The following AKAP13 variants were observed in gnomAD, a reference collection of about 807,000 sequenced individuals.
The protein encoded by AKAP13 is A-kinase anchor protein 13.
AKAP13 carries 80 observed loss-of-function variants against 264.5 expected under a neutral mutation model. The ratio of observed to expected loss-of-function variants is 0.30; its 90% CI spans 0.25 to 0.36. The LOEUF is 0.36. AKAP13 is among the 10% of genes least tolerant of loss of function. AKAP13 has a pLI of 1.00. For missense variants in AKAP13, 3,712 were observed against 3,435.2 expected (o/e 1.08, Z -2.01); for synonymous variants, 1,380 against 1,250.2 (o/e 1.10, Z -2.19).
intron 1 of AKAP13, among the ~76,000 whole-genome samples, chr15:85,441,799 G>A (rs558734692): frequency 1.3e-5 from 2 of 151,956 alleles, no homozygotes; most frequent in Non-Finnish European, 2.9e-5. Context: ...TATTACTGCA[G>A]TAAATAGTCT....
At chr15:85,509,883 G>A (rs1167012369) in intron 2 of AKAP13, among the ~76,000 whole-genome samples, 1 of 152,186 alleles carries the variant, frequency 6.6e-6, no homozygotes, top group Non-Finnish European at 1.5e-5. Flanking sequence ...TGTAGCCTCT[G>A]TCACCTCCTC....
chr15:85,642,715 T>C (rs2082366457), intron 9 of AKAP13, among the ~76,000 whole-genome samples: 1 of 152,232 alleles, frequency 6.6e-6, no homozygotes, highest in African/African-American at 2.4e-5. Flanking sequence ...CTGGCTTGAA[T>C]TTATTTTCTG....
rs557658798 is a variant in AKAP13 at position 85,469,058 on chromosome 15, G to A, written c.-11-16652G>A. Among the ~76,000 whole-genome samples the A allele has an allele frequency of 9.4e-4, 129 of 137,726 alleles. 29 individuals carry two copies. Among genetic ancestry groups the A allele is most frequent in the African/African-American group, 3.5e-3 (118 of 33,680 alleles). 90.4% of individuals were successfully genotyped at this position (137,726 alleles called of 152,430 possible). ...GCCTCCCCAGTAGCTTGGACTACAG[G>A]CGTGCACCACCACGCCCAGCTAATT... On this transcript the variant is annotated intron_variant, in intron 1 of 36. Coordinates refer to ENST00000394518, the MANE Select transcript of AKAP13 (RefSeq NM_007200.5).
At chr15:85,654,640 GA>G (rs1235694811) in intron 10 of AKAP13, among the ~76,000 whole-genome samples, 1 of 152,014 alleles carries the variant, frequency 6.6e-6, no homozygotes, top group Non-Finnish European at 1.5e-5. Flanking sequence ...GCAACATGGT[GA>G]AACCCTGTGT....
chr15:85,741,348 G>T lies in AKAP13; in HGVS notation c.7911G>T (p.Arg2637=), dbSNP rs777977042. ...GGCAGCAGGACCTGGAAAAGGAGCGGGAGGAGCTCCAGCAGAAGAAGGGCA... is the reference window on the plus strand; with the variant it reads ...GGCAGCAGGACCTGGAAAAGGAGCGTGAGGAGCTCCAGCAGAAGAAGGGCA... ...QQGQQDLEKE[R]EELQQKKGTY... Residue 2637 remains arginine, a synonymous_variant, in exon 35 of 37, where the codon CGG becomes CGT. Transcript: ENST00000394518. 6.2e-7 allele frequency: 1 copy of T among 1,613,914 alleles called. No homozygotes were observed. The highest frequency in any genetic ancestry group is 1.7e-5 in the Admixed American group (1 of 60,010).
chr15:85,739,702 C>T (rs898906038), intron 33 of AKAP13, among the ~76,000 whole-genome samples: 2 of 152,012 alleles, frequency 1.3e-5, no homozygotes, highest in African/African-American at 2.4e-5. Flanking sequence ...AATAGGATCT[C>T]GCTGTCTTGC....
intron 8 of AKAP13, chr15:85,624,705 T>C (rs2081335602): frequency 6.6e-6 from 1 of 152,260 alleles, no homozygotes; most frequent in Admixed American, 6.5e-5. Context: ...CTGGGAAGGC[T>C]GGGTGTAACC....
At chr15:85,570,774 A>G (rs568539765) in intron 5 of AKAP13, among the ~76,000 whole-genome samples, 4 of 152,274 alleles carry the variant, frequency 2.6e-5, no homozygotes, top group Admixed American at 1.3e-4. Context: ...ACAGGGTTGA[A>G]TAAGGATTCC....
chr15:85,710,713 G>A (rs2086590935), intron 19 of AKAP13, 68 bp downstream of exon 19: 2 of 1,519,286 alleles, frequency 1.3e-6, no homozygotes. Context: ...AAATGCTGTT[G>A]TAATATTCAG....
intron 30 of AKAP13, among the ~76,000 whole-genome samples, chr15:85,732,689 A>G (rs2088140682): frequency 6.7e-6 from 1 of 150,240 alleles, no homozygotes; most frequent in South Asian, 2.1e-4. Context: ...CGAATATTAT[A>G]TATTTACTTT....
At chr15:85,622,987 T>A (rs1008078708) in intron 8 of AKAP13, among the ~76,000 whole-genome samples, 1 of 152,254 alleles carries the variant, frequency 6.6e-6, no homozygotes, top group African/African-American at 2.4e-5. Context: ...CCATGTCATA[T>A]AAGTTCATTT....
intron 1 of AKAP13, among the ~76,000 whole-genome samples, chr15:85,473,538 A>G (rs890256229): frequency 1.3e-5 from 2 of 152,204 alleles, no homozygotes; most frequent in African/African-American, 2.4e-5. Flanking sequence ...CCCCACTGCA[A>G]CACGCAGTTG....
In AKAP13 at chr15:85,579,469, C is replaced by T. The variant is rs1443705962; in HGVS notation, c.1401C>T (p.Gly467=). The T allele has an allele frequency of 6.2e-7, 1 of 1,614,132 alleles. No individual in the cohort carries two copies. Among genetic ancestry groups the T allele is most frequent in the South Asian group, 1.1e-5 (1 of 91,080 alleles). The stretch of plus-strand genomic sequence containing the variant: ...ATTCCTCTGGAGGTGAACTGGGAGG[C>T]ATTTCAACAACAAATGTCAGTACCC... ...AQYSSGGELG[G]ISTTNVSTPD... is the part of the protein sequence containing the mutation. The change falls in exon 7 of 37, where the codon GGC becomes GGT. Residue 467 remains glycine, a synonymous_variant. Coordinates refer to ENST00000394518, the MANE Select transcript of AKAP13 (RefSeq NM_007200.5).
intron 5 of AKAP13, among the ~76,000 whole-genome samples, chr15:85,566,907 C>T (rs533964379): frequency 5.3e-5 from 8 of 151,826 alleles, no homozygotes; most frequent in African/African-American, 1.2e-4. Flanking sequence ...GGATTACAGA[C>T]GTGAGCCACT....
intron 16 of AKAP13, among the ~76,000 whole-genome samples, chr15:85,689,684 T>C (rs2085162305): frequency 6.6e-6 from 1 of 152,220 alleles, no homozygotes; most frequent in South Asian, 2.1e-4. Context: ...ATAGGTAAGA[T>C]GTGTTCCTTA....
intron 1 of AKAP13, among the ~76,000 whole-genome samples, chr15:85,461,850 G>A (rs1182872677): frequency 6.6e-6 from 1 of 152,112 alleles, no homozygotes; most frequent in African/African-American, 2.4e-5. Context: ...TTTTCTCAGT[G>A]TGTCTTTACA....
In AKAP13 at chr15:85,580,759, G is replaced by A; in HGVS notation, c.2691G>A (p.Val897=). 4 of 1,614,124 alleles carry A rather than the reference G, an allele frequency of 2.5e-6. No individual in the cohort carries two copies. Among genetic ancestry groups the A allele is most frequent in the Non-Finnish European group, 3.4e-6 (4 of 1,180,022 alleles). The part of the protein sequence containing the change: ...KGNTDSSLQS[V]GKATLALDSV... The stretch of plus-strand genomic sequence containing the variant: ...ACACTGACTCTTCCCTGCAAAGTGT[G>A]GGTAAGGCCACTTTGGCTTTAGATT... The change falls in exon 7 of 37, where the codon GTG becomes GTA. Residue 897 remains valine, a synonymous_variant. Coordinates refer to ENST00000394518, the MANE Select transcript of AKAP13 (RefSeq NM_007200.5).
intron 31 of AKAP13, 112 bp from the exon 32 acceptor site, chr15:85,735,448 G>A (rs181618011): frequency 1.8e-6 from 2 of 1,101,746 alleles, no homozygotes; most frequent in Non-Finnish European, 2.6e-6. Context: ...CTTTTTGGGG[G>A]CATCAGTAGG....
At chr15:85,613,403 C>T (rs567989569) in intron 8 of AKAP13, among the ~76,000 whole-genome samples, 104 of 152,156 alleles carry the variant, frequency 6.8e-4, no homozygotes, top group African/African-American at 2.0e-3. Context: ...GTGCTGGGGC[C>T]GGGTGCGGTG....
Sources: gnomAD v4.1 joint callset for allele counts (sites outside exome capture counted in the v4.1 genomes callset) on GRCh38, gnomAD v4.1.1 for gene constraint, MANE v1.5 for transcripts, NCBI Gene and HGNC (gene_info 2026-07-23, HGNC 2026-07-21) for gene names.